Variants in FOXRED1 observed in about 807,000 individuals in gnomAD.
FOXRED1 encodes the protein FAD-dependent oxidoreductase domain-containing protein 1.
A neutral mutation model predicts 57.8 loss-of-function variants in FOXRED1; 52 were observed. That is an observed-to-expected ratio of 0.90 (90% CI 0.72 to 1.13). The LOEUF is 1.13. FOXRED1 is among the 50% of genes most tolerant of loss of function. The pLI is 0.00. For missense variants in FOXRED1, 589 were observed against 625.2 expected (o/e 0.94, Z 0.62); for synonymous variants, 271 against 248.3 (o/e 1.09, Z -0.86).
chr11:126,273,049 CTT>C lies in FOXRED1; in HGVS notation c.390_391del (p.Ala132GlnfsTer8). On this transcript the variant is annotated frameshift_variant, in exon 3 of 11. Transcript: ENST00000263578. LOFTEE classifies it high-confidence loss of function. The surrounding 1 kb of genome is among the most constrained non-coding windows in gnomAD (Gnocchi z 5.9). ...SLPENIQLSLFSASFLRNINE... is the reference protein window; with the variant it reads ...SLPENIQLSLXSASFLRNINE... ...TGCCTGAGAACATCCAGCTCTCCCT[CTT>C]TTCAGCCAGCTTTCTACGGAACATC... The C allele has an allele frequency of 1.2e-6, 2 of 1,600,852 alleles. No homozygotes were observed. Among genetic ancestry groups the C allele is most frequent in the Non-Finnish European group, 1.7e-6 (2 of 1,167,800 alleles).
Position 126,273,260 on chromosome 11 carries a change from G to C in FOXRED1, c.418-76G>C, listed in dbSNP as rs1029510972. 1.7e-6 allele frequency: 2 copies of C among 1,189,600 alleles called. No individual in the cohort carries two copies. The highest frequency in any genetic ancestry group is 3.0e-5 in the African/African-American group (2 of 66,772). 73.7% of individuals were successfully genotyped at this position (1,189,600 alleles called of 1,614,324 possible). A position where few individuals can be genotyped will look rare whatever the true frequency, so the allele number is the denominator to read the frequency against. On this transcript the variant is annotated intron_variant, in intron 3 of 10. Transcript: ENST00000263578. The surrounding 1 kb of genome is among the most constrained non-coding windows in gnomAD (Gnocchi z 5.9). ...TCTGGGGCACTGAGCCTGGGGAGCT[G>C]TGGGGGAAGAAGGCAGGAAAACTCT...
rs150827018 is a variant in FOXRED1 at position 126,277,128 on chromosome 11, G to A, written c.1159G>A (p.Val387Met). 63 of 1,613,604 alleles carry A rather than the reference G, an allele frequency of 3.9e-5. 1 individual carries two copies. The African/African-American group carries it at 7.2e-4, about 18-fold the overall frequency. Reference sequence around the variant, plus strand: ...GGACCATGATTTCTTCCAGGACAAGGTGTGGCCCCATTTGGCCCTGAGGGT... The same window carrying A: ...GGACCATGATTTCTTCCAGGACAAGATGTGGCCCCATTTGGCCCTGAGGGT... ...EVDHDFFQDK[V>M]WPHLALRVPA... is the part of the protein sequence containing the mutation. The change falls in exon 10 of 11, where the codon GTG (valine) becomes ATG (methionine). Residue 387 changes from valine (V) to methionine (M), a missense_variant. Val to Met is a conservative substitution (Grantham distance 21, BLOSUM62 1). Coordinates refer to ENST00000263578, the MANE Select transcript of FOXRED1 (RefSeq NM_017547.4). The surrounding 1 kb of genome is among the most constrained non-coding windows in gnomAD (Gnocchi z 6.8).
At position 126,275,646 on chromosome 11, in the gene FOXRED1, T is replaced by A; in HGVS notation, c.734-148T>A. The A allele has an allele frequency of 1.4e-6, 1 of 729,512 alleles. No individual in the cohort carries two copies. Among genetic ancestry groups the A allele is most frequent in the Admixed American group, 2.0e-5 (1 of 49,698 alleles). The allele number at this position is 729,512 out of a possible 1,614,324, so 45.2% of individuals were successfully genotyped here. On this transcript the variant is annotated intron_variant, in intron 6 of 10. Coordinates refer to ENST00000263578, the MANE Select transcript of FOXRED1 (RefSeq NM_017547.4). The surrounding 1 kb of genome is among the most constrained non-coding windows in gnomAD (Gnocchi z 5.9). The stretch of plus-strand genomic sequence containing the variant: ...CTGTCCTGTCAGAGTGTGGCCAAGC[T>A]CATGCCAGCTCCCTCATCTCTGTTT...
chr11:126,275,674 T>C lies in FOXRED1; in HGVS notation c.734-120T>C. The C allele has an allele frequency of 1.3e-6, 1 of 776,750 alleles. No homozygotes were observed. Among genetic ancestry groups the C allele is most frequent in the Non-Finnish European group, 2.2e-6 (1 of 447,228 alleles). 48.1% of individuals were successfully genotyped at this position (776,750 alleles called of 1,614,324 possible). ...TGCCAGCTCCCTCATCTCTGTTTGC[T>C]TCAGTGTCTGTGGGAAAGCTCCCAT... On this transcript the variant is annotated intron_variant, in intron 6 of 10. Coordinates refer to ENST00000263578, the MANE Select transcript of FOXRED1 (RefSeq NM_017547.4). The surrounding 1 kb of genome is among the most constrained non-coding windows in gnomAD (Gnocchi z 5.9).
In FOXRED1 at chr11:126,273,022, A is replaced by G. The variant is rs759591132; in HGVS notation, c.360A>G (p.Ser120=). Residue 120 remains serine, a synonymous_variant, in exon 3 of 11, where the codon TCA becomes TCG. Coordinates refer to ENST00000263578, the MANE Select transcript of FOXRED1 (RefSeq NM_017547.4). This position sits in a 1 kb window ranked among gnomAD's most constrained non-coding sequence, Gnocchi z 5.9. The stretch of plus-strand genomic sequence containing the variant: ...TAGGTGGGATTTGTCAGCAGTTCTC[A>G]TTGCCTGAGAACATCCAGCTCTCCC... ...LSVGGICQQF[S]LPENIQLSLF... 15 of 1,609,606 alleles carry G rather than the reference A, an allele frequency of 9.3e-6. No homozygotes were observed. The highest frequency in any genetic ancestry group is 1.1e-5 in the Non-Finnish European group (13 of 1,175,872).
chr11:126,273,208 C>A lies in FOXRED1; in HGVS notation c.418-128C>A. The stretch of plus-strand genomic sequence containing the variant: ...GCCAACTAGGAGAGGGGGGCCCTGG[C>A]CTTCTTCCTAGTGGTGGTGCCGCAG... On this transcript the variant is annotated intron_variant, in intron 3 of 10. Transcript: ENST00000263578. The surrounding 1 kb of genome is among the most constrained non-coding windows in gnomAD (Gnocchi z 5.9). 1.0e-6 allele frequency: 1 copy of A among 957,032 alleles called. No homozygotes were observed. The highest frequency in any genetic ancestry group is 1.7e-6 in the Non-Finnish European group (1 of 581,354). 59.3% of individuals were successfully genotyped at this position (957,032 alleles called of 1,614,324 possible).
At chr11:126,276,833 G>A (rs1035658069) in intron 9 of FOXRED1, 28 of 503,630 alleles carry the variant, frequency 5.6e-5, no homozygotes, top group South Asian at 3.3e-4. Flanking sequence ...CCAAGATTGC[G>A]CCATTGCACT....
rs141392346 is a variant in FOXRED1, at chr11:126,269,226, C to T, written c.20C>T (p.Pro7Leu). The change falls in exon 1 of 11, where the codon CCG becomes CTG. Residue 7 changes from proline to leucine, a missense_variant. Transcript: ENST00000263578. ...GGGGTTATGATTCGGAGGGTTCTGC[C>T]GCACGGCATGGGCCGGGGCCTCTTG... Reference protein sequence around the residue: MIRRVLPHGMGRGLLTR... With the variant: MIRRVLLHGMGRGLLTR... 2.0e-5 allele frequency: 32 copies of T among 1,613,872 alleles called. No homozygotes were observed. The African/African-American group carries it at 2.3e-4, about 11-fold the overall frequency.
rs1951106810 is a variant in FOXRED1 at position 126,275,576 on chromosome 11, A to T, written c.733+148A>T. The T allele has an allele frequency of 1.4e-6, 1 of 738,770 alleles. No individual in the cohort carries two copies. Among genetic ancestry groups the T allele is most frequent in the African/African-American group, 1.7e-5 (1 of 57,734 alleles). 45.8% of individuals were successfully genotyped at this position (738,770 alleles called of 1,614,324 possible). ...GCATCTTGACCTGGGCTCCTCACTG[A>T]TCTGCGTTGTGACTTGTGATCTGCT... On this transcript the variant is annotated intron_variant, in intron 6 of 10. Coordinates refer to ENST00000263578, the MANE Select transcript of FOXRED1 (RefSeq NM_017547.4). The surrounding 1 kb of genome is among the most constrained non-coding windows in gnomAD (Gnocchi z 5.9).
intron 9 of FOXRED1, 127 bp from the exon 10 acceptor site, chr11:126,276,944 A>C: frequency 2.7e-6 from 2 of 739,308 alleles, no homozygotes; most frequent in Non-Finnish European, 5.0e-6. Flanking sequence ...TTGATATTAG[A>C]GCCCCCTCCA....
At chr11:126,276,312 T>TGA in intron 8 of FOXRED1, 82 bp from the exon 9 acceptor site, 1 of 1,366,724 alleles carries the variant, frequency 7.3e-7, no homozygotes, top group Admixed American at 2.0e-5. Context: ...TGTGTGTGTG[T>TGA]GTGGGGTGTG....
In FOXRED1 at chr11:126,272,677, CA is replaced by C. The variant is rs1020813644; in HGVS notation, c.307-289del. On this transcript the variant is annotated intron_variant, in intron 2 of 10. Transcript: ENST00000263578. The surrounding 1 kb of genome is among the most constrained non-coding windows in gnomAD (Gnocchi z 4.6). ...ACTTCAATCATAACCTTTCATTTCCCAAATGGTAGGTCAAACGTTAATCGCC... is the reference window on the plus strand; with the variant it reads ...ACTTCAATCATAACCTTTCATTTCCCAATGGTAGGTCAAACGTTAATCGCC... The C allele has an allele frequency of 2.0e-6, 1 of 502,718 alleles. No individual in the cohort carries two copies. The highest frequency in any genetic ancestry group is 1.9e-5 in the African/African-American group (1 of 51,718). The allele number at this position is 502,718 out of a possible 1,614,324, so 31.1% of individuals were successfully genotyped here.
Position 126,273,672 on chromosome 11 carries a change from A to C in FOXRED1, c.536+218A>C, listed in dbSNP as rs1459901951. 6.8e-6 allele frequency: 4 copies of C among 584,008 alleles called. No homozygotes were observed. Among genetic ancestry groups the C allele is most frequent in the African/African-American group, 5.5e-5 (3 of 54,062 alleles). 36.2% of individuals were successfully genotyped at this position (584,008 alleles called of 1,614,324 possible). ...TGCGAGGTGCTTCCTAATTTGTCAGATCATGAAAACCACCTGGAACACATC... is the reference window on the plus strand; with the variant it reads ...TGCGAGGTGCTTCCTAATTTGTCAGCTCATGAAAACCACCTGGAACACATC... On this transcript the variant is annotated intron_variant, in intron 4 of 10. Coordinates refer to ENST00000263578, the MANE Select transcript of FOXRED1 (RefSeq NM_017547.4). The surrounding 1 kb of genome is among the most constrained non-coding windows in gnomAD (Gnocchi z 5.9).
Position 126,273,046 on chromosome 11 carries a change from CCT to C in FOXRED1, c.387_388del (p.Ala132GlnfsTer8), listed in dbSNP as rs1197476926. On this transcript the variant is annotated frameshift_variant, in exon 3 of 11. Coordinates refer to ENST00000263578, the MANE Select transcript of FOXRED1 (RefSeq NM_017547.4). LOFTEE classifies it high-confidence loss of function. The surrounding 1 kb of genome is among the most constrained non-coding windows in gnomAD (Gnocchi z 5.9). ...CATTGCCTGAGAACATCCAGCTCTC[CCT>C]CTTTTCAGCCAGCTTTCTACGGAAC... ...FSLPENIQLS[L>X]FSASFLRNIN... is the part of the protein sequence containing the mutation. 6.2e-7 allele frequency: 1 copy of C among 1,603,232 alleles called. No individual in the cohort carries two copies. Among genetic ancestry groups the C allele is most frequent in the Admixed American group, 1.7e-5 (1 of 60,014 alleles).
rs750578822 is a variant in FOXRED1, at chr11:126,277,021, T to C, written c.1102-50T>C. The C allele has an allele frequency of 8.8e-7, 1 of 1,139,300 alleles. No individual in the cohort carries two copies. Among genetic ancestry groups the C allele is most frequent in the Non-Finnish European group, 1.3e-6 (1 of 747,048 alleles). 70.6% of individuals were successfully genotyped at this position (1,139,300 alleles called of 1,614,324 possible). ...AGGGATTGTTAAACAAGTCTGGGCCTGTCCTTGTGTCCCAGGCAATGTAAG... is the reference window on the plus strand; with the variant it reads ...AGGGATTGTTAAACAAGTCTGGGCCCGTCCTTGTGTCCCAGGCAATGTAAG... On this transcript the variant is annotated intron_variant, in intron 9 of 10. Transcript: ENST00000263578. The surrounding 1 kb of genome is among the most constrained non-coding windows in gnomAD (Gnocchi z 6.8).
chr11:126,270,627 C>T (rs904420958), intron 1 of FOXRED1, among the ~76,000 whole-genome samples: 6 of 152,116 alleles, frequency 3.9e-5, no homozygotes, highest in Admixed American at 2.0e-4. Context: ...ACTAAAGGGC[C>T]TGGAGTGTAG....
Position 126,277,500 on chromosome 11 carries a change from C to T in FOXRED1, c.1272C>T (p.Pro424=). The T allele has an allele frequency of 6.2e-7, 1 of 1,613,630 alleles. No individual in the cohort carries two copies. ...TTGACCAGAATGGCGTGGTGGGCCCCCACCCGCTAGTTGTCAACATGTACT... is the reference window on the plus strand; with the variant it reads ...TTGACCAGAATGGCGTGGTGGGCCCTCACCCGCTAGTTGTCAACATGTACT... ...NTFDQNGVVG[P]HPLVVNMYFA... Residue 424 remains proline (P), a synonymous_variant, in exon 11 of 11, where the codon CCC becomes CCT. Transcript: ENST00000263578. This position sits in a 1 kb window ranked among gnomAD's most constrained non-coding sequence, Gnocchi z 6.8.
Position 126,277,430 on chromosome 11 carries a change from C to G in FOXRED1, c.1207-5C>G. ...CGAGAACCCCAGTGTTTTGTGCACC[C>G]GCAGGTTCAGAGCGCCTGGGCCGGC... On this transcript the variant is annotated splice_polypyrimidine_tract_variant and splice_region_variant and intron_variant, in intron 10 of 10. Coordinates refer to ENST00000263578, the MANE Select transcript of FOXRED1 (RefSeq NM_017547.4). This position sits in a 1 kb window ranked among gnomAD's most constrained non-coding sequence, Gnocchi z 6.8. The G allele has an allele frequency of 3.1e-6, 5 of 1,612,902 alleles. No individual in the cohort carries two copies. The highest frequency in any genetic ancestry group is 4.2e-6 in the Non-Finnish European group (5 of 1,179,926).
rs761882501 is a variant in FOXRED1, at chr11:126,276,139, A to C, written c.891A>C (p.Gln297His). The C allele has an allele frequency of 6.2e-7, 1 of 1,612,294 alleles. No homozygotes were observed. The highest frequency in any genetic ancestry group is 1.1e-5 in the South Asian group (1 of 90,956). The change falls in exon 8 of 11, where the codon CAA (glutamine) becomes CAC (histidine). Residue 297 changes from glutamine (Q) to histidine (H), a missense_variant. Coordinates refer to ENST00000263578, the MANE Select transcript of FOXRED1 (RefSeq NM_017547.4). The part of the protein sequence containing the change: ...VINAAGAWSA[Q>H]IAALAGVGEG... ...ACGCAGCCGGAGCCTGGTCTGCGCA[A>C]ATCGCAGCACTGGCTGGTGTTGGAG... is the stretch of plus-strand genomic sequence containing the variant.
Sources: allele counts gnomAD v4.1 joint callset (sites outside exome capture counted in the v4.1 genomes callset), GRCh38; gene constraint gnomAD v4.1.1; non-coding constraint Gnocchi (gnomAD v3.1); transcripts MANE v1.5; gene names NCBI Gene and HGNC (gene_info 2026-07-23, HGNC 2026-07-21).